The following BPIFB6 variants were observed in gnomAD, a reference collection of about 807,000 sequenced individuals.
The protein encoded by BPIFB6 is BPI fold-containing family B member 6.
BPIFB6 carries 47 observed loss-of-function variants against 54.7 expected under a neutral mutation model. The ratio of observed to expected loss-of-function variants is 0.86; its 90% CI spans 0.68 to 1.10. BPIFB6 has a LOEUF of 1.10. BPIFB6 is among the 50% of genes least tolerant of loss of function. The pLI is 0.00. For missense variants in BPIFB6, 603 were observed against 564.1 expected (o/e 1.07, Z -0.70); for synonymous variants, 255 against 225.9 (o/e 1.13, Z -1.16).
intron 14 of BPIFB6, 38 bp downstream of exon 14, chr20:33,043,405 A>T: frequency 6.3e-7 from 1 of 1,575,866 alleles, no homozygotes; most frequent in Non-Finnish European, 8.7e-7. Flanking sequence ...GTCAATCAAC[A>T]CTGTCAGCCA....
chr20:33,038,638 T>A (rs1034759591), intron 8 of BPIFB6, among the ~76,000 whole-genome samples: 7 of 152,208 alleles, frequency 4.6e-5, no homozygotes, highest in African/African-American at 1.7e-4. Flanking sequence ...CCTTTACCCA[T>A]CACATCTACC....
chr20:33,043,911 C>T (rs1979697582), intron 14 of BPIFB6, 104 bp from the exon 15 acceptor site: 1 of 1,423,142 alleles, frequency 7.0e-7, no homozygotes, highest in South Asian at 1.2e-5. Flanking sequence ...TTTGCTTAAC[C>T]ACCACACTGG....
Position 33,037,412 on chromosome 20 carries a change from C to T in BPIFB6, c.670-150C>T, listed in dbSNP as rs1293774536. 122 of 757,782 alleles carry T rather than the reference C, an allele frequency of 1.6e-4. 2 individuals carry two copies. The East Asian group carries it at 3.3e-3, about 21-fold the overall frequency. 46.9% of individuals were successfully genotyped at this position (757,782 alleles called of 1,614,324 possible). A position where few individuals can be genotyped will look rare whatever the true frequency, so the allele number is the denominator to read the frequency against. The stretch of plus-strand genomic sequence containing the variant: ...CACCTGTACACTGGGAGGTTTGGCC[C>T]ACTGTAGCCCATTGTGGTTCTCTTA... On this transcript the variant is annotated intron_variant, in intron 7 of 14. Coordinates refer to ENST00000349552, the MANE Select transcript of BPIFB6 (RefSeq NM_174897.2).
intron 12 of BPIFB6, among the ~76,000 whole-genome samples, 178 bp from the exon 13 acceptor site, chr20:33,042,637 G>T (rs78178219): frequency 2.6e-5 from 4 of 152,204 alleles, no homozygotes; most frequent in African/African-American, 9.7e-5. Context: ...TGAAGGACAC[G>T]GGTCTACAGT....
At chr20:33,033,283 G>A in intron 2 of BPIFB6, 200 bp downstream of exon 2, 1 of 668,644 alleles carries the variant, frequency 1.5e-6, no homozygotes, top group South Asian at 1.5e-5. Context: ...CATTCACTGG[G>A]GACAATTTCT....
At chr20:33,032,265 C>T (rs6088075) in intron 1 of BPIFB6, among the ~76,000 whole-genome samples, 5,028 of 152,258 alleles carry the variant, frequency 0.033, 88 homozygotes, top group Non-Finnish European at 0.04. Flanking sequence ...CAAGGGAAAC[C>T]GAGTCACATC....
Position 33,034,873 on chromosome 20 carries a change from A to G in BPIFB6, c.413A>G (p.Glu138Gly). The G allele has an allele frequency of 6.2e-7, 1 of 1,613,442 alleles. No individual in the cohort carries two copies. The highest frequency in any genetic ancestry group is 1.1e-5 in the South Asian group (1 of 91,058). The change falls in exon 4 of 15, where the codon GAG (glutamate) becomes GGG (glycine). Residue 138 changes from glutamate (E) to glycine (G), a missense_variant. Transcript: ENST00000349552. ...GLPVFKSEGC[E>G]VILVNVKTNL... is the part of the protein sequence containing the mutation. ...CCCGTGTTCAAGAGTGAGGGCTGTG[A>G]GGTCATCCTGGTCAATGTGAAGACT...
chr20:33,034,329 G>T lies in BPIFB6; in HGVS notation c.302+39G>T. The T allele has an allele frequency of 2.9e-6, 4 of 1,397,554 alleles. No individual in the cohort carries two copies. The South Asian group carries it at 4.6e-5, about 16-fold the overall frequency. The allele number at this position is 1,397,554 out of a possible 1,614,324, so 86.6% of individuals were successfully genotyped here. A position where few individuals can be genotyped will look rare whatever the true frequency, so the allele number is the denominator to read the frequency against. ...GGGAGGGGCAGCGGGGAGGAGAACG[G>T]CCTTCCTGTCTCATCCTTACATGCA... On this transcript the variant is annotated intron_variant, in intron 3 of 14. Transcript: ENST00000349552.
chr20:33,039,902 G>C (rs1979505130), intron 10 of BPIFB6, among the ~76,000 whole-genome samples: 1 of 152,198 alleles, frequency 6.6e-6, no homozygotes, highest in Non-Finnish European at 1.5e-5. Flanking sequence ...CCAGAGAAGG[G>C]TTGGGGACAG....
downstream of BPIFB6, chr20:33,044,094 T>C: frequency 6.2e-7 from 1 of 1,611,236 alleles, no homozygotes; most frequent in Non-Finnish European, 8.5e-7. Context: ...ACCAACCACC[T>C]GCACCCCATG....
intron 3 of BPIFB6, 47 bp downstream of exon 3, chr20:33,034,337 G>C: frequency 7.7e-7 from 1 of 1,292,488 alleles, no homozygotes; most frequent in South Asian, 1.2e-5. Flanking sequence ...CGGCCTTCCT[G>C]TCTCATCCTT....
At chr20:33,040,052 A>G (rs1979512087) in intron 10 of BPIFB6, among the ~76,000 whole-genome samples, 199 bp from the exon 11 acceptor site, 1 of 152,216 alleles carries the variant, frequency 6.6e-6, no homozygotes, top group African/African-American at 2.4e-5. Context: ...GCCCTGACTC[A>G]GGACAAGGAG....
intron 8 of BPIFB6, among the ~76,000 whole-genome samples, chr20:33,038,450 T>G (rs1979438071): frequency 6.6e-6 from 1 of 151,992 alleles, no homozygotes; most frequent in Admixed American, 6.6e-5. Flanking sequence ...TATCCACCAT[T>G]CCTGTCATTC....
chr20:33,033,494 G>A lies in BPIFB6; in HGVS notation c.197+411G>A, dbSNP rs548864927. Reference sequence around the variant, plus strand: ...TGCCAGTGCCACATGAGATTGATCAGTAGGGGCTGCCTGAAACGATGCACT... The same window carrying A: ...TGCCAGTGCCACATGAGATTGATCAATAGGGGCTGCCTGAAACGATGCACT... On this transcript the variant is annotated intron_variant, in intron 2 of 14. Transcript: ENST00000349552. 6.1e-3 allele frequency: 2,789 copies of A among 454,264 alleles called. 92 individuals carry two copies. Among genetic ancestry groups the A allele is most frequent in the South Asian group, 0.042 (2,696 of 64,476 alleles). 28.1% of individuals were successfully genotyped at this position (454,264 alleles called of 1,614,324 possible).
In BPIFB6 at chr20:33,034,280, A is replaced by G. The variant is rs1270185860; in HGVS notation, c.292A>G (p.Thr98Ala). The G allele has an allele frequency of 2.4e-5, 39 of 1,612,152 alleles. No individual in the cohort carries two copies. The highest frequency in any genetic ancestry group is 3.1e-5 in the Non-Finnish European group (37 of 1,178,222). Residue 98 changes from threonine (T) to alanine (A), a missense_variant, in exon 3 of 15, where the codon ACT becomes GCT. Thr to Ala is a moderately conservative substitution (Grantham distance 58). Transcript: ENST00000349552. ...ATGTGTGTCCACAGGCATGACCGTC[A>G]CTGGCAAGAGGTGAGTGTGGCAGGG... The part of the protein sequence containing the change: ...FQCVSTGMTV[T>A]GKSFMGGNME...
At chr20:33,043,980 G>T in intron 14 of BPIFB6, 35 bp from the exon 15 acceptor site, 1 of 1,613,754 alleles carries the variant, frequency 6.2e-7, no homozygotes, top group Non-Finnish European at 8.5e-7. Flanking sequence ...GGTGGTCCCT[G>T]GTCATTGCTC....
rs551496770 is a variant in BPIFB6, at chr20:33,033,610, G to C, written c.197+527G>C. ...TGCCAAGAGCTCAGGATGGGCAAGTGGGGGTATGTGTGCCACATCTTTTGT... is the reference window on the plus strand; with the variant it reads ...TGCCAAGAGCTCAGGATGGGCAAGTCGGGGTATGTGTGCCACATCTTTTGT... On this transcript the variant is annotated intron_variant, in intron 2 of 14. Transcript: ENST00000349552. The C allele has an allele frequency of 8.5e-5, 39 of 456,810 alleles. No homozygotes were observed. The East Asian group carries it at 1.9e-3, about 23-fold the overall frequency. The allele number at this position is 456,810 out of a possible 1,614,324, so 28.3% of individuals were successfully genotyped here. A position where few individuals can be genotyped will look rare whatever the true frequency, so the allele number is the denominator to read the frequency against.
chr20:33,043,961 C>T (rs1600528781), intron 14 of BPIFB6, 54 bp from the exon 15 acceptor site: 2 of 1,605,940 alleles, frequency 1.2e-6, no homozygotes, highest in Middle Eastern at 1.7e-4. Context: ...CATTCCATCC[C>T]TGGGCCTAGG....
intron 1 of BPIFB6, among the ~76,000 whole-genome samples, chr20:33,032,497 A>T (rs551915217): frequency 2.0e-4 from 30 of 152,054 alleles, no homozygotes; most frequent in Non-Finnish European, 3.7e-4. Context: ...GGTCCACAGG[A>T]TAAAGTCAGT....
Sources: allele counts gnomAD v4.1 joint callset (sites outside exome capture counted in the v4.1 genomes callset), GRCh38; gene constraint gnomAD v4.1.1; transcripts MANE v1.5; gene names NCBI Gene and HGNC (gene_info 2026-07-23, HGNC 2026-07-21).